Variants in MYO3B observed in about 807,000 individuals in gnomAD.
MYO3B encodes the protein myosin IIIB, also known as myosin-IIIb.
MYO3B carries 156 observed loss-of-function variants against 174.6 expected under a neutral mutation model. The ratio of observed to expected loss-of-function variants is 0.89; its 90% CI spans 0.78 to 1.02. The LOEUF (loss-of-function observed/expected upper bound fraction) is 1.02, where lower values mean the gene tolerates loss of function less well. Among genes scored for constraint, MYO3B ranks in the 50% least tolerant of loss-of-function variants. The probability of loss-of-function intolerance (pLI) is 0.00; values close to 1 mark genes in which losing one functional copy is unlikely to be tolerated. For synonymous variants in MYO3B, 563 were observed against 569.1 expected, an observed-to-expected ratio of 0.99 and a Z score of 0.15; for missense variants, 1,632 against 1,639.4, an observed-to-expected ratio of 1.00 and a Z score of 0.08.
At chr2:170,432,576 GA>G (rs1642780232) in intron 22 of MYO3B, among the ~76,000 whole-genome samples, 3 of 150,792 alleles carry the variant, frequency 2.0e-5, no homozygotes, top group African/African-American at 7.3e-5. Context: ...TAAAAAAAAA[GA>G]AATTTTTTTT....
At chr2:170,527,411 A>C (rs1359552004) in intron 30 of MYO3B, among the ~76,000 whole-genome samples, 1 of 152,266 alleles carries the variant, frequency 6.6e-6, no homozygotes, top group African/African-American at 2.4e-5. Flanking sequence ...GAATGTTGTT[A>C]AATTTTTAAA....
At chr2:170,345,217 T>C (rs1351774162) in intron 8 of MYO3B, 2 of 152,246 alleles carry the variant, frequency 1.3e-5, no homozygotes, top group Non-Finnish European at 2.9e-5. Flanking sequence ...TGATGATTTC[T>C]GGCAGGGATA....
At chr2:170,567,264 T>G (rs1020661342) in intron 32 of MYO3B, among the ~76,000 whole-genome samples, 3 of 152,202 alleles carry the variant, frequency 2.0e-5, no homozygotes, top group Non-Finnish European at 2.9e-5. Flanking sequence ...ATTGTCATTC[T>G]GATACCAAAA....
At chr2:170,580,718 A>ATATATATATATATATGTGTGTG (rs768974458) in intron 32 of MYO3B, among the ~76,000 whole-genome samples, 1 of 142,700 alleles carries the variant, frequency 7.0e-6, no homozygotes, top group African/African-American at 2.6e-5. Flanking sequence ...AACCTTATAT[A>ATATATATATATATATGTGTGTG]TGTGTGTGTG....
chr2:170,445,810 AT>A (rs991244825), intron 23 of MYO3B, among the ~76,000 whole-genome samples: 2 of 151,948 alleles, frequency 1.3e-5, no homozygotes, highest in African/African-American at 4.8e-5. Context: ...ACTAAAAAAA[AT>A]TTTTTTTGTA....
chr2:170,336,294 G>A (rs1245466005), intron 8 of MYO3B, among the ~76,000 whole-genome samples: 2 of 151,670 alleles, frequency 1.3e-5, no homozygotes, highest in African/African-American at 2.4e-5. Context: ...GGTCGTGGGA[G>A]GAGAAAAGAA....
At chr2:170,622,940 T>C (rs1053102671) in intron 32 of MYO3B, among the ~76,000 whole-genome samples, 1 of 152,322 alleles carries the variant, frequency 6.6e-6, no homozygotes, top group East Asian at 1.9e-4. Context: ...CCATGGTGTA[T>C]ATATGCCACA....
chr2:170,319,142 CTT>C (rs1315017686), intron 7 of MYO3B, among the ~76,000 whole-genome samples: 1 of 152,176 alleles, frequency 6.6e-6, no homozygotes, highest in Non-Finnish European at 1.5e-5. Flanking sequence ...ACTCTAAACA[CTT>C]TATGTAGTAG....
intron 21 of MYO3B, 113 bp downstream of exon 21, chr2:170,405,746 C>A: frequency 3.6e-6 from 3 of 827,048 alleles, no homozygotes; most frequent in Non-Finnish European, 5.7e-6. Flanking sequence ...CATTTTAATT[C>A]TTCCTGAATA....
intron 7 of MYO3B, among the ~76,000 whole-genome samples, chr2:170,312,462 A>AT (rs1202615233): frequency 2.0e-5 from 3 of 152,230 alleles, no homozygotes; most frequent in African/African-American, 7.2e-5. Context: ...GAACAAAGAA[A>AT]TCCCTGACTA....
rs199922107 is a variant in MYO3B at position 170,399,266 on chromosome 2, AGAGAG to A, written c.1792-921_1792-917del. On this transcript the variant is annotated intron_variant, in intron 16 of 34. Coordinates refer to ENST00000408978, the MANE Select transcript of MYO3B (RefSeq NM_138995.5). The stretch of plus-strand genomic sequence containing the variant: ...TCAAAAAAAAAAAAAAAAAAAAAAA[AGAGAG>A]AGACCAGTCTGGCCAACAGGGCAAA... Among the ~76,000 whole-genome samples the A allele has an allele frequency of 1.9e-4, 11 of 56,594 alleles. 1 individual carries two copies. The highest frequency in any genetic ancestry group is 2.8e-4 in the African/African-American group (5 of 18,078). 37.1% of individuals were successfully genotyped at this position (56,594 alleles called of 152,430 possible).
chr2:170,625,035 G>A (rs1212653772), intron 32 of MYO3B, among the ~76,000 whole-genome samples: 2 of 152,122 alleles, frequency 1.3e-5, no homozygotes, highest in African/African-American at 4.8e-5. Flanking sequence ...CTCTTGTTTT[G>A]TTGTGTCTCT....
intron 32 of MYO3B, among the ~76,000 whole-genome samples, chr2:170,573,767 G>C (rs983091125): frequency 6.6e-6 from 1 of 152,132 alleles, no homozygotes; most frequent in Non-Finnish European, 1.5e-5. Flanking sequence ...TAAAAGACTA[G>C]ATGTGATCAT....
At chr2:170,289,227 T>C (rs1309191399) in intron 7 of MYO3B, among the ~76,000 whole-genome samples, 1 of 152,134 alleles carries the variant, frequency 6.6e-6, no homozygotes, top group Non-Finnish European at 1.5e-5. Context: ...CCTTGTAGAA[T>C]AGTTGGGAAG....
intron 30 of MYO3B, among the ~76,000 whole-genome samples, chr2:170,532,278 C>T (rs1689401110): frequency 6.6e-6 from 1 of 152,166 alleles, no homozygotes; most frequent in Admixed American, 6.5e-5. Context: ...TGACAGAAGA[C>T]TGAGAAACTA....
At chr2:170,555,180 C>T (rs1691199324) in intron 32 of MYO3B, among the ~76,000 whole-genome samples, 2 of 152,134 alleles carry the variant, frequency 1.3e-5, no homozygotes, top group African/African-American at 4.8e-5. Context: ...TTCTTACATA[C>T]CCTTTCTCCT....
At chr2:170,181,548 G>T (rs920775928) in intron 1 of MYO3B, among the ~76,000 whole-genome samples, 2 of 152,054 alleles carry the variant, frequency 1.3e-5, no homozygotes, top group Non-Finnish European at 2.9e-5. Flanking sequence ...CATTAAGTGT[G>T]GTGTTAACTT....
intron 30 of MYO3B, among the ~76,000 whole-genome samples, chr2:170,535,195 A>G (rs1263587426): frequency 6.6e-6 from 1 of 152,202 alleles, no homozygotes; most frequent in East Asian, 1.9e-4. Flanking sequence ...CAGTACTTAC[A>G]ATAGTAGGAG....
At chr2:170,633,875 A>T (rs578064282) in intron 32 of MYO3B, among the ~76,000 whole-genome samples, 9 of 152,310 alleles carry the variant, frequency 5.9e-5, no homozygotes, top group African/African-American at 2.2e-4. Context: ...AATTCCTACA[A>T]AGAGAATAAA....
Sources: gnomAD v4.1 joint callset for allele counts (sites outside exome capture counted in the v4.1 genomes callset) on GRCh38, gnomAD v4.1.1 for gene constraint, MANE v1.5 for transcripts, NCBI Gene and HGNC (gene_info 2026-07-23, HGNC 2026-07-21) for gene names.